MKLN1: variants seen among roughly 807,000 people sequenced by gnomAD.
MKLN1 encodes muskelin.
A neutral mutation model predicts 99.0 loss-of-function variants in MKLN1; 18 were observed. The observed-to-expected ratio is 0.18, with a 90% confidence interval of 0.13 to 0.27. The LOEUF (loss-of-function observed/expected upper bound fraction) is 0.27. MKLN1 is among the 10% of genes least tolerant of loss of function. The probability of loss-of-function intolerance (pLI) is 1.00; values close to 1 mark genes in which losing one functional copy is unlikely to be tolerated. For missense variants in MKLN1, 621 were observed against 875.9 expected, an observed-to-expected ratio of 0.71 and a Z score of 3.67; for synonymous variants, 288 against 293.2, an observed-to-expected ratio of 0.98 and a Z score of 0.18.
At chr7:131,207,687 C>G (rs1796839481) in intron 3 of MKLN1, among the ~76,000 whole-genome samples, 1 of 152,088 alleles carries the variant, frequency 6.6e-6, no homozygotes, top group African/African-American at 2.4e-5. Context: ...GTCCATGGGC[C>G]CAGCTAACCA....
chr7:131,428,008 C>G (rs749672034), intron 8 of MKLN1, among the ~76,000 whole-genome samples: 1 of 151,712 alleles, frequency 6.6e-6, no homozygotes, highest in Admixed American at 6.6e-5. Context: ...TAACCCCCAC[C>G]CCCCCAAAAA....
intron 3 of MKLN1, among the ~76,000 whole-genome samples, chr7:131,277,722 G>A (rs1318414872): frequency 6.6e-6 from 1 of 151,998 alleles, no homozygotes; most frequent in Non-Finnish European, 1.5e-5. Flanking sequence ...AGCCAATTGT[G>A]CATTTCAAAA....
rs1430325935 is a variant in MKLN1 at position 131,495,268 on chromosome 7, T to G, written c.*7540T>G. ...ATTAGATTGAGAAGAAAGATACAACTTCCTCCATAGCCAATAAAATCTGTC... is the reference window on the plus strand; with the variant it reads ...ATTAGATTGAGAAGAAAGATACAACGTCCTCCATAGCCAATAAAATCTGTC... On this transcript the variant is annotated 3_prime_UTR_variant, in exon 18 of 18. Transcript: ENST00000352689. The G allele has an allele frequency of 6.6e-6, 1 of 152,174 alleles. No individual in the cohort carries two copies. The highest frequency in any genetic ancestry group is 2.4e-5 in the African/African-American group (1 of 41,448). 9.4% of individuals were successfully genotyped at this position (152,174 alleles called of 1,614,324 possible).
chr7:131,319,872 A>T (rs1798741318), intron 3 of MKLN1, among the ~76,000 whole-genome samples: 1 of 152,218 alleles, frequency 6.6e-6, no homozygotes, highest in African/African-American at 2.4e-5. Context: ...ACAGTTTTCA[A>T]GGGACGTGAA....
At position 131,113,667 on chromosome 7, in the gene MKLN1, CAAAAAA is replaced by C. The variant is rs71168363; in HGVS notation, c.-419+3475_-419+3480del. Among the ~76,000 whole-genome samples, 353 of 96,462 alleles carry C rather than the reference CAAAAAA, an allele frequency of 3.7e-3. 1 individual carries two copies. Among genetic ancestry groups the C allele is most frequent in the African/African-American group, 0.011 (314 of 27,904 alleles). The allele number at this position is 96,462 out of a possible 152,430, so 63.3% of individuals were successfully genotyped here. On this transcript the variant is annotated intron_variant, in intron 1 of 7. Transcript: ENST00000416992. ...TGAAACCCCTGTCTCTACAAAAATA[CAAAAAA>C]AAAAAAAAAAAAAATTAGCCAGGCC...
Position 131,487,785 on chromosome 7 carries a change from A to T in MKLN1, c.*57A>T. On this transcript the variant is annotated 3_prime_UTR_variant, in exon 18 of 18. Coordinates refer to ENST00000352689, the MANE Select transcript of MKLN1 (RefSeq NM_013255.5). This position sits in a 1 kb window ranked among gnomAD's most constrained non-coding sequence, Gnocchi z 4.7. ...CAGGAGTCGATTTTCCGTCTTTTGG[A>T]TTGCAGCTCCACTGACTGACAGTAA... is the stretch of plus-strand genomic sequence containing the variant. The T allele has an allele frequency of 6.3e-7, 1 of 1,586,158 alleles. No homozygotes were observed. The highest frequency in any genetic ancestry group is 8.6e-7 in the Non-Finnish European group (1 of 1,165,166).
chr7:131,426,320 A>G (rs998093031), intron 8 of MKLN1, among the ~76,000 whole-genome samples: 1 of 152,318 alleles, frequency 6.6e-6, no homozygotes, highest in South Asian at 2.1e-4. Context: ...CTATAAAACA[A>G]AAGGTCAATT....
chr7:131,328,087 A>G (rs1798944475), intron 1 of MKLN1, 90 bp downstream of exon 1: 3 of 1,501,740 alleles, frequency 2.0e-6, no homozygotes, highest in Non-Finnish European at 1.8e-6. Context: ...CCGAGCCGAG[A>G]GGCCCAGGCG....
At chr7:131,445,942 T>G in intron 12 of MKLN1, 39 bp downstream of exon 12, 1 of 1,432,586 alleles carries the variant, frequency 7.0e-7, no homozygotes, top group Non-Finnish European at 9.4e-7. Flanking sequence ...ATGTCTTAAC[T>G]ACTTTAGGTA....
intron 1 of MKLN1, among the ~76,000 whole-genome samples, chr7:131,338,654 T>C (rs560465616): frequency 1.3e-5 from 2 of 152,242 alleles, no homozygotes; most frequent in African/African-American, 4.8e-5. Context: ...TAGAGTGTTA[T>C]ATCTTGTAGG....
chr7:131,469,179 T>C (rs950580294), intron 15 of MKLN1, among the ~76,000 whole-genome samples: 2 of 152,116 alleles, frequency 1.3e-5, no homozygotes, highest in African/African-American at 4.8e-5. Flanking sequence ...GGTAGATAGA[T>C]AGATAGAGGC....
At chr7:131,422,240 T>C (rs1384545306) in intron 8 of MKLN1, among the ~76,000 whole-genome samples, 1 of 152,184 alleles carries the variant, frequency 6.6e-6, no homozygotes, top group East Asian at 1.9e-4. Context: ...AAGAGACTCT[T>C]ACTAACTCAC....
rs141362266 is a variant in MKLN1, at chr7:131,191,413, T to C, written c.-296-11444T>C. 1.2e-3 allele frequency among the ~76,000 whole-genome samples: 179 copies of C among 152,326 alleles called. 2 individuals are homozygous for C. In the East Asian group the frequency reaches 0.032, roughly 27 times the overall value. ...AGTGATTCTCCAGTGTTGTGGTGTG[T>C]GAGTGAAACACCAATGAACCAGCTC... is the stretch of plus-strand genomic sequence containing the variant. On this transcript the variant is annotated intron_variant, in intron 2 of 7. Transcript: ENST00000416992.
intron 1 of MKLN1, among the ~76,000 whole-genome samples, chr7:131,329,285 C>T (rs1798995703): frequency 6.6e-6 from 1 of 152,206 alleles, no homozygotes; most frequent in South Asian, 2.1e-4. Flanking sequence ...CAAGGGTTGG[C>T]ATTCAGTAGG....
chr7:131,383,851 C>A (rs1473785861), intron 2 of MKLN1, among the ~76,000 whole-genome samples: 1 of 152,166 alleles, frequency 6.6e-6, no homozygotes, highest in Non-Finnish European at 1.5e-5. Flanking sequence ...GTCCAAGTCT[C>A]CTTCATCTCA....
intron 1 of MKLN1, among the ~76,000 whole-genome samples, chr7:131,365,744 A>G (rs2116817748): frequency 6.6e-6 from 1 of 152,302 alleles, no homozygotes; most frequent in Admixed American, 6.5e-5. Context: ...GTTGAAGATC[A>G]GATGATCGTA....
intron 3 of MKLN1, among the ~76,000 whole-genome samples, chr7:131,313,360 A>T (rs1363795799): frequency 2.0e-5 from 3 of 152,202 alleles, no homozygotes; most frequent in African/African-American, 7.2e-5. Flanking sequence ...AGCTTTAATT[A>T]AAAAATTTTA....
intron 3 of MKLN1, among the ~76,000 whole-genome samples, chr7:131,221,317 G>T (rs184040945): frequency 2.1e-4 from 32 of 152,310 alleles, no homozygotes; most frequent in African/African-American, 7.5e-4. Context: ...ACATGGCCAA[G>T]AAGCAGAGTA....
intron 1 of MKLN1, among the ~76,000 whole-genome samples, chr7:131,110,883 G>C (rs1175135945): frequency 6.6e-6 from 1 of 152,174 alleles, no homozygotes; most frequent in Non-Finnish European, 1.5e-5. Context: ...ATGATTCCAA[G>C]AGACATTGCA....
Sources: allele counts gnomAD v4.1 joint callset (sites outside exome capture counted in the v4.1 genomes callset), GRCh38; gene constraint gnomAD v4.1.1; non-coding constraint Gnocchi (gnomAD v3.1); transcripts MANE v1.5; gene names NCBI Gene and HGNC (gene_info 2026-07-23, HGNC 2026-07-21).